Variants in ATP2B2 observed in about 807,000 individuals in gnomAD.
The protein encoded by ATP2B2 is plasma membrane calcium-transporting ATPase 2.
Under a neutral mutation model 120.0 loss-of-function variants are expected in ATP2B2, and 15 were observed. The ratio of observed to expected loss-of-function variants is 0.12; its 90% confidence interval spans 0.08 to 0.19. The LOEUF is 0.19. ATP2B2 is among the 10% of genes least tolerant of loss of function. The probability of loss-of-function intolerance (pLI) is 1.00; values close to 1 mark genes in which losing one functional copy is unlikely to be tolerated. For missense variants in ATP2B2, 1,045 were observed against 1,719.8 expected, an observed-to-expected ratio of 0.61 and a Z score of 6.94; for synonymous variants, 694 against 700.3, an observed-to-expected ratio of 0.99 and a Z score of 0.14.
At chr3:10,700,907 G>T (rs539055123) in intron 1 of ATP2B2, among the ~76,000 whole-genome samples, 2 of 152,326 alleles carry the variant, frequency 1.3e-5, no homozygotes, top group African/African-American at 4.8e-5. Context: ...AAACAGCATG[G>T]TGGTTATTAA....
At chr3:10,691,405 G>A (rs1227508431) in intron 1 of ATP2B2, among the ~76,000 whole-genome samples, 1 of 152,184 alleles carries the variant, frequency 6.6e-6, no homozygotes, top group Non-Finnish European at 1.5e-5. Context: ...GTAGTTATGG[G>A]AGGACCAAGA....
At position 10,402,336 on chromosome 3, in the gene ATP2B2, G is replaced by A. The variant is rs767344205; in HGVS notation, c.410C>T (p.Ala137Val). 1 of 1,613,570 alleles carries A rather than the reference G, an allele frequency of 6.2e-7. No homozygotes were observed. The highest frequency in any genetic ancestry group is 1.7e-5 in the Admixed American group (1 of 60,028). Residue 137 changes from alanine (A) to valine (V), a missense_variant, in exon 4 of 23, where the codon GCC (alanine) becomes GTC (valine). Physicochemically the swap from Ala to Val is moderately conservative, Grantham distance 64. Coordinates refer to ENST00000360273, the MANE Select transcript of ATP2B2 (RefSeq NM_001001331.4). This position sits in a 1 kb window ranked among gnomAD's most constrained non-coding sequence, Gnocchi z 4.9. ...TCCTTCATCCTCTGCCCCACCCTGG[G>A]CCGTCGCACATCCTGAAAGACCAGA... is the stretch of plus-strand genomic sequence containing the variant. ...PGEGNEGCAT[A>V]QGGAEDEGEA...
intron 13 of ATP2B2, among the ~76,000 whole-genome samples, chr3:10,359,482 C>T (rs1253100266): frequency 6.6e-6 from 1 of 152,114 alleles, no homozygotes; most frequent in African/African-American, 2.4e-5. Context: ...ATTTCCAGCA[C>T]TCCTCTGGAG....
chr3:10,687,577 G>T (rs181377272), intron 1 of ATP2B2, among the ~76,000 whole-genome samples: 78 of 152,244 alleles, frequency 5.1e-4, no homozygotes, highest in Admixed American at 2.1e-3. Context: ...AAGAGCCATT[G>T]GACCCAGATG....
At chr3:10,515,347 C>A (rs2066856209) in intron 3 of ATP2B2, among the ~76,000 whole-genome samples, 1 of 152,194 alleles carries the variant, frequency 6.6e-6, no homozygotes, top group African/African-American at 2.4e-5. Flanking sequence ...GCAAAGGTGA[C>A]AACACTTTTA....
At chr3:10,625,694 G>A (rs945525069) in intron 1 of ATP2B2, among the ~76,000 whole-genome samples, 11 of 152,148 alleles carry the variant, frequency 7.2e-5, no homozygotes, top group African/African-American at 2.7e-4. Flanking sequence ...CCTCTGTGGT[G>A]GGAGTGGTGC....
intron 2 of ATP2B2, among the ~76,000 whole-genome samples, chr3:10,430,460 C>T (rs1389916857): frequency 6.6e-6 from 1 of 152,112 alleles, no homozygotes; most frequent in African/African-American, 2.4e-5. Flanking sequence ...TTGAGGGGTT[C>T]AAGACTTCAG....
intron 2 of ATP2B2, among the ~76,000 whole-genome samples, chr3:10,577,404 G>A (rs145580489): frequency 6.8e-4 from 103 of 152,258 alleles, no homozygotes; most frequent in South Asian, 1.5e-3. Flanking sequence ...AGTGTCACCC[G>A]GCAAGACAGG....
chr3:10,485,710 C>T (rs552488519), intron 1 of ATP2B2, among the ~76,000 whole-genome samples: 31 of 152,174 alleles, frequency 2.0e-4, no homozygotes, highest in Non-Finnish European at 2.9e-4. Flanking sequence ...AATCGCAAAG[C>T]CTGGGGTCTG....
chr3:10,345,974 G>T, intron 17 of ATP2B2, 57 bp downstream of exon 17: 1 of 1,520,956 alleles, frequency 6.6e-7, no homozygotes, highest in Non-Finnish European at 8.9e-7. Flanking sequence ...GCCCAAGGTT[G>T]TGTAGTCCAA....
chr3:10,491,784 GAGAA>G (rs145702696), intron 1 of ATP2B2, among the ~76,000 whole-genome samples: 2,752 of 152,152 alleles, frequency 0.018, 70 homozygotes, highest in African/African-American at 0.062. Context: ...GAACAAACAA[GAGAA>G]AGAAACAAGT....
At chr3:10,383,556 C>T (rs147817781) in intron 8 of ATP2B2, among the ~76,000 whole-genome samples, 160 of 152,330 alleles carry the variant, frequency 1.1e-3, no homozygotes, top group Middle Eastern at 3.4e-3. Flanking sequence ...AGGAGAAGCA[C>T]ACACTTTAGA....
At chr3:10,404,492 G>A (rs1180045423) in intron 3 of ATP2B2, among the ~76,000 whole-genome samples, 2 of 152,242 alleles carry the variant, frequency 1.3e-5, no homozygotes, top group Non-Finnish European at 2.9e-5. Context: ...TCATAAGGTG[G>A]TTGAGAGGAT....
chr3:10,404,168 T>C (rs2062330318), intron 3 of ATP2B2, among the ~76,000 whole-genome samples: 1 of 152,116 alleles, frequency 6.6e-6, no homozygotes, highest in African/African-American at 2.4e-5. Flanking sequence ...GGAATCACTG[T>C]GGCCCAGCTG....
At chr3:10,641,830 C>T (rs969185332) in intron 1 of ATP2B2, among the ~76,000 whole-genome samples, 1 of 152,096 alleles carries the variant, frequency 6.6e-6, no homozygotes, top group Non-Finnish European at 1.5e-5. Flanking sequence ...GTTGACTCAT[C>T]TACCCATCTA....
chr3:10,358,423 G>A (rs2060801177), intron 14 of ATP2B2, among the ~76,000 whole-genome samples: 1 of 152,246 alleles, frequency 6.6e-6, no homozygotes, highest in African/African-American at 2.4e-5. Context: ...ATGGTGGCTG[G>A]CTGGACAGCT....
chr3:10,389,358 A>C (rs1191828915), intron 5 of ATP2B2, among the ~76,000 whole-genome samples: 1 of 152,228 alleles, frequency 6.6e-6, no homozygotes, highest in African/African-American at 2.4e-5. Flanking sequence ...CTTCAGAGGG[A>C]GGATAAGCTG....
chr3:10,640,683 C>T (rs1053682034), intron 1 of ATP2B2, among the ~76,000 whole-genome samples: 1 of 151,352 alleles, frequency 6.6e-6, no homozygotes, highest in African/African-American at 2.4e-5. Context: ...GCTGTGATGT[C>T]CTCACCCCAG....
At chr3:10,525,020 C>T (rs1045837013) in intron 3 of ATP2B2, among the ~76,000 whole-genome samples, 1 of 152,206 alleles carries the variant, frequency 6.6e-6, no homozygotes, top group Non-Finnish European at 1.5e-5. Context: ...GGAACGGTGA[C>T]ATCCTGCTCT....
Sources: gnomAD v4.1 joint callset for allele counts (sites outside exome capture counted in the v4.1 genomes callset) on GRCh38, gnomAD v4.1.1 for gene constraint, Gnocchi (gnomAD v3.1) non-coding constraint, MANE v1.5 for transcripts, NCBI Gene and HGNC (gene_info 2026-07-23, HGNC 2026-07-21) for gene names.